Variants in STAG1 observed in about 807,000 individuals in gnomAD.
STAG1 encodes the protein cohesin subunit SA-1.
Under a neutral mutation model 170.9 loss-of-function variants are expected in STAG1, and 26 were observed. The observed-to-expected ratio is 0.15, with a 90% CI of 0.11 to 0.21. The LOEUF is 0.21. Among genes scored for constraint, STAG1 ranks in the 10% least tolerant of loss-of-function variants. The pLI, the probability that STAG1 is intolerant of heterozygous loss-of-function variation, is 1.00. For missense variants in STAG1, 964 were observed against 1,509.5 expected, an observed-to-expected ratio of 0.64 and a Z score of 5.99; for synonymous variants, 514 against 497.7, an observed-to-expected ratio of 1.03 and a Z score of -0.44.
At chr3:136,387,784 C>T (rs1199292277) in intron 22 of STAG1, among the ~76,000 whole-genome samples, 1 of 152,212 alleles carries the variant, frequency 6.6e-6, no homozygotes, top group Admixed American at 6.5e-5. Flanking sequence ...AAGGCTAATC[C>T]ACTTATGATC....
At chr3:136,749,289 G>A (rs183138392) in intron 1 of STAG1, among the ~76,000 whole-genome samples, 6 of 152,300 alleles carry the variant, frequency 3.9e-5, no homozygotes, top group Non-Finnish European at 8.8e-5. Flanking sequence ...GAAATAGGGA[G>A]ACTGACTCCT....
chr3:136,399,785 A>G (rs1051764429), intron 21 of STAG1, among the ~76,000 whole-genome samples: 9 of 152,196 alleles, frequency 5.9e-5, no homozygotes, highest in South Asian at 4.1e-4. Context: ...AAGAGTCCCA[A>G]AGAGTTTTTC....
chr3:136,403,653 G>A (rs2087400981), intron 21 of STAG1, among the ~76,000 whole-genome samples: 1 of 152,144 alleles, frequency 6.6e-6, no homozygotes, highest in African/African-American at 2.4e-5. Context: ...CTGGAAAAGA[G>A]TAATGTTGAA....
At position 136,400,629 on chromosome 3, in the gene STAG1, G is replaced by A. The variant is rs553397377; in HGVS notation, c.2197-1800C>T. Among the ~76,000 whole-genome samples, 10 of 151,788 alleles carry A rather than the reference G, an allele frequency of 6.6e-5. No individual in the cohort carries two copies. In the South Asian group the frequency reaches 1.0e-3, roughly 16 times the overall value. ...CGGCTCACTGCAACCTCCGCCTCCC[G>A]GGTTCAAGTGATTCTCCTGGCTCAG... On this transcript the variant is annotated intron_variant, in intron 21 of 33. Transcript: ENST00000383202.
At chr3:136,517,861 C>G (rs527393275) in intron 7 of STAG1, among the ~76,000 whole-genome samples, 1 of 151,632 alleles carries the variant, frequency 6.6e-6, no homozygotes, top group East Asian at 1.9e-4. Context: ...TTAAAATGGG[C>G]CAAATAACTA....
chr3:136,645,530 G>A (rs1336015149), intron 1 of STAG1, among the ~76,000 whole-genome samples: 1 of 152,202 alleles, frequency 6.6e-6, no homozygotes, highest in Non-Finnish European at 1.5e-5. Flanking sequence ...ACTGGATGAA[G>A]TAATAAATCT....
chr3:136,655,761 TA>T (rs796281356), intron 1 of STAG1, among the ~76,000 whole-genome samples: 725 of 142,510 alleles, frequency 5.1e-3, no homozygotes, highest in Middle Eastern at 0.014. Context: ...AAGACTCCAT[TA>T]AAAAAAAAAA....
At chr3:136,679,881 G>C (rs541321761) in intron 1 of STAG1, among the ~76,000 whole-genome samples, 1 of 150,640 alleles carries the variant, frequency 6.6e-6, no homozygotes, top group Non-Finnish European at 1.5e-5. Context: ...CAGCCTGAGC[G>C]ACAGAGTGAG....
chr3:136,707,639 A>T (rs1442270879), intron 1 of STAG1, among the ~76,000 whole-genome samples: 1 of 152,196 alleles, frequency 6.6e-6, no homozygotes. Flanking sequence ...GCTTCTGGCG[A>T]CAGCTTTTGT....
intron 21 of STAG1, among the ~76,000 whole-genome samples, chr3:136,400,102 G>A (rs1233066723): frequency 2.0e-5 from 3 of 151,906 alleles, no homozygotes; most frequent in African/African-American, 4.8e-5. Flanking sequence ...TTTGTATTTT[G>A]AGTAGAGGCG....
At chr3:136,463,792 T>C (rs1045905367) in intron 13 of STAG1, among the ~76,000 whole-genome samples, 1,632 of 72,566 alleles carry the variant, frequency 0.022, 21 homozygotes, top group Middle Eastern at 0.039. Context: ...CACACACACA[T>C]ATACATATAC....
intron 4 of STAG1, among the ~76,000 whole-genome samples, chr3:136,585,390 C>T (rs1475078735): frequency 6.6e-6 from 1 of 151,960 alleles, no homozygotes; most frequent in Non-Finnish European, 1.5e-5. Context: ...TGCAGTGAGC[C>T]GAGATCACGC....
chr3:136,544,624 T>C (rs1936071176), intron 5 of STAG1, among the ~76,000 whole-genome samples: 1 of 151,704 alleles, frequency 6.6e-6, no homozygotes, highest in Admixed American at 6.6e-5. Flanking sequence ...AACAGCCGGG[T>C]GTGGGTGGCA....
rs1345983169 is a variant in STAG1, at chr3:136,349,159, T to G, written c.3270A>C (p.Glu1090Asp). The change falls in exon 29 of 34, where the codon GAA becomes GAC. Residue 1090 changes from glutamate (E) to aspartate (D), a missense_variant and splice_region_variant. Around this residue, in one of 11 missense-constraint regions of STAG1, gnomAD observed 122 missense variants for 129.0 expected, o/e 0.95. Coordinates refer to ENST00000383202, the MANE Select transcript of STAG1 (RefSeq NM_005862.3). ...CTTATAGTGTAAAGGCAGACTTACC[T>G]TCTACTCGTTTTTTATGAAGTGGAG... Reference protein sequence around the residue: ...GRPPLHKKRVEDESLDNTWLN... With the variant: ...GRPPLHKKRVDDESLDNTWLN... 5.0e-6 allele frequency: 8 copies of G among 1,612,704 alleles called. No homozygotes were observed. The highest frequency in any genetic ancestry group is 2.2e-5 in the South Asian group (2 of 91,036).
At chr3:136,416,228 A>C (rs1423565472) in intron 21 of STAG1, among the ~76,000 whole-genome samples, 1 of 152,126 alleles carries the variant, frequency 6.6e-6, no homozygotes, top group Non-Finnish European at 1.5e-5. Context: ...GGTTGGTCTC[A>C]AACTCCTGGC....
chr3:136,589,313 A>G (rs1032889496), intron 4 of STAG1, among the ~76,000 whole-genome samples: 4 of 151,902 alleles, frequency 2.6e-5, no homozygotes, highest in African/African-American at 9.7e-5. Flanking sequence ...AGCCTGACCA[A>G]CATGGTGAAA....
At chr3:136,418,062 A>G in intron 20 of STAG1, 90 bp from the exon 21 acceptor site, 1 of 1,036,396 alleles carries the variant, frequency 9.6e-7, no homozygotes, top group Admixed American at 2.0e-5. Flanking sequence ...GAATAAAATA[A>G]TTTCATTTCG....
At chr3:136,339,245 A>G (rs1487014723) in intron 32 of STAG1, among the ~76,000 whole-genome samples, 1 of 152,206 alleles carries the variant, frequency 6.6e-6, no homozygotes, top group Non-Finnish European at 1.5e-5. Flanking sequence ...ATGTGATAAA[A>G]AAAATAAATT....
chr3:136,712,120 C>T (rs1943399366), intron 1 of STAG1, among the ~76,000 whole-genome samples: 1 of 152,318 alleles, frequency 6.6e-6, no homozygotes, highest in South Asian at 2.1e-4. Flanking sequence ...CCAATTCAAG[C>T]GATTCCCCTG....
Sources: gnomAD v4.1 joint callset for allele counts (sites outside exome capture counted in the v4.1 genomes callset) on GRCh38, gnomAD v4.1.1 for gene constraint, gnomAD v4.1.1 regional missense constraint, MANE v1.5 for transcripts, NCBI Gene and HGNC (gene_info 2026-07-23, HGNC 2026-07-21) for gene names.